The following SWT1 variants were observed in gnomAD, a reference collection of about 807,000 sequenced individuals.
SWT1 encodes transcriptional protein SWT1.
Under a neutral mutation model 107.3 loss-of-function variants are expected in SWT1, and 33 were observed. That is an observed-to-expected ratio of 0.31 (90% CI 0.23 to 0.41). SWT1 has a LOEUF of 0.41. Ranked by LOEUF, SWT1 falls within the 10% of genes least tolerant of loss-of-function variation. The probability of loss-of-function intolerance (pLI) is 1.00; values close to 1 mark genes in which losing one functional copy is unlikely to be tolerated. For synonymous variants in SWT1, 345 were observed against 348.3 expected (o/e 0.99, Z 0.11); for missense variants, 898 against 1,028.9 (o/e 0.87, Z 1.74).
At chr1:185,182,708 G>A (rs1053896694) in intron 7 of SWT1, among the ~76,000 whole-genome samples, 3 of 148,628 alleles carry the variant, frequency 2.0e-5, no homozygotes, top group Non-Finnish European at 4.5e-5. Flanking sequence ...AATGCAGATT[G>A]CTTGAAGGTA....
chr1:185,177,135 G>A, intron 5 of SWT1: 3 of 725,950 alleles, frequency 4.1e-6, no homozygotes, highest in Non-Finnish European at 5.1e-6. Context: ...CAAGAATTGA[G>A]TTTGAATTGA....
At chr1:185,220,138 C>CAA (rs34674504) in intron 14 of SWT1, among the ~76,000 whole-genome samples, 5 of 45,636 alleles carry the variant, frequency 1.1e-4, no homozygotes, top group Non-Finnish European at 1.5e-4. Context: ...GACCCTGTCT[C>CAA]AAAAAAAAAA....
intron 16 of SWT1, among the ~76,000 whole-genome samples, chr1:185,261,150 A>T (rs1174328886): frequency 6.6e-6 from 1 of 151,840 alleles, no homozygotes; most frequent in African/African-American, 2.4e-5. Flanking sequence ...TAAAACTGAA[A>T]CTCTGTACCC....
intron 15 of SWT1, among the ~76,000 whole-genome samples, chr1:185,230,854 C>G (rs949848487): frequency 6.6e-6 from 1 of 151,888 alleles, no homozygotes; most frequent in African/African-American, 2.4e-5. Context: ...TTCAAGCGAT[C>G]CTCCCACCTT....
chr1:185,243,023 C>T (rs1056036916), intron 16 of SWT1, among the ~76,000 whole-genome samples: 8 of 152,090 alleles, frequency 5.3e-5, no homozygotes, highest in African/African-American at 1.7e-4. Flanking sequence ...GCCAGATGAT[C>T]AGTTCTAATT....
At chr1:185,227,910 T>C (rs1340477073) in intron 15 of SWT1, among the ~76,000 whole-genome samples, 1 of 151,582 alleles carries the variant, frequency 6.6e-6, no homozygotes, top group Non-Finnish European at 1.5e-5. Context: ...GGCAACATGG[T>C]GAGACTTTGT....
At chr1:185,162,016 G>A (rs1036512732) in intron 2 of SWT1, among the ~76,000 whole-genome samples, 2 of 152,096 alleles carry the variant, frequency 1.3e-5, no homozygotes, top group African/African-American at 4.8e-5. Context: ...GTGCTTTTTG[G>A]TGTTTGTTCC....
At chr1:185,221,079 ACACAC>A (rs1659622307) in intron 14 of SWT1, among the ~76,000 whole-genome samples, 2 of 137,802 alleles carry the variant, frequency 1.5e-5, no homozygotes, top group South Asian at 4.5e-4. Flanking sequence ...ACACACACAC[ACACAC>A]TCTTCTAGAT....
chr1:185,249,630 C>G (rs1026000877), intron 16 of SWT1, among the ~76,000 whole-genome samples: 1 of 152,116 alleles, frequency 6.6e-6, no homozygotes, highest in Non-Finnish European at 1.5e-5. Flanking sequence ...ACTAAAGAGA[C>G]AAACTGATCC....
intron 4 of SWT1, among the ~76,000 whole-genome samples, chr1:185,173,776 G>A (rs983632313): frequency 6.6e-6 from 1 of 151,986 alleles, no homozygotes; most frequent in Non-Finnish European, 1.5e-5. Flanking sequence ...CAGCACCTTG[G>A]GAGGCCGAGG....
chr1:185,190,510 T>C, intron 9 of SWT1, 39 bp from the exon 10 acceptor site: 1 of 1,125,818 alleles, frequency 8.9e-7, no homozygotes, highest in Non-Finnish European at 1.3e-6. Context: ...CCCACATTTC[T>C]AGTGTACTTA....
At chr1:185,214,898 A>G (rs1659098508) in intron 14 of SWT1, among the ~76,000 whole-genome samples, 2 of 152,162 alleles carry the variant, frequency 1.3e-5, no homozygotes, top group Non-Finnish European at 2.9e-5. Flanking sequence ...ATTTTCACTT[A>G]TGGATGGAAG....
chr1:185,278,790 T>A (rs1571699167), intron 18 of SWT1, among the ~76,000 whole-genome samples: 1 of 152,200 alleles, frequency 6.6e-6, no homozygotes, highest in East Asian at 1.9e-4. Context: ...GACACATTTT[T>A]AAAAAGGTAG....
Position 185,221,909 on chromosome 1 carries a change from A to C in SWT1, c.2182A>C (p.Thr728Pro). ...ENTVTKKQEG[T>P]SLKNSHNQEI... ...CACAGTGACTAAAAAGCAGGAAGGTACTTCATTGAAGAATTCTCATAATCA... is the reference window on the plus strand; with the variant it reads ...CACAGTGACTAAAAAGCAGGAAGGTCCTTCATTGAAGAATTCTCATAATCA... The change falls in exon 15 of 19, where the codon ACT (threonine) becomes CCT (proline). Residue 728 changes from threonine to proline, a missense_variant. By Grantham distance (38) the Thr-to-Pro change is conservative. This residue lies in a region of SWT1 where 382 missense variants were observed against 460.0 expected (regional missense o/e 0.83). Coordinates refer to ENST00000367500, the MANE Select transcript of SWT1 (RefSeq NM_017673.7). The C allele has an allele frequency of 6.2e-7, 1 of 1,612,016 alleles. No homozygotes were observed. Among genetic ancestry groups the C allele is most frequent in the South Asian group, 1.1e-5 (1 of 90,522 alleles).
chr1:185,220,161 AAAAG>A (rs1659535017), intron 14 of SWT1, among the ~76,000 whole-genome samples: 2 of 149,566 alleles, frequency 1.3e-5, no homozygotes, highest in African/African-American at 4.9e-5. Context: ...AAAAAAAAAA[AAAAG>A]AGCAATTTCT....
At chr1:185,282,261 CTG>C (rs1173982364) in intron 18 of SWT1, among the ~76,000 whole-genome samples, 1 of 152,118 alleles carries the variant, frequency 6.6e-6, no homozygotes, top group Non-Finnish European at 1.5e-5. Flanking sequence ...CTTTTGAACT[CTG>C]TTGAGAAAAA....
At chr1:185,220,579 C>T (rs1157478628) in intron 14 of SWT1, among the ~76,000 whole-genome samples, 1 of 151,772 alleles carries the variant, frequency 6.6e-6, no homozygotes. Context: ...GAGAATGATT[C>T]TTAACTGTAT....
chr1:185,243,079 C>T (rs1239029342), intron 16 of SWT1, among the ~76,000 whole-genome samples: 1 of 152,206 alleles, frequency 6.6e-6, no homozygotes, highest in South Asian at 2.1e-4. Flanking sequence ...GTAGAGTATA[C>T]CCTATACTCT....
intron 16 of SWT1, among the ~76,000 whole-genome samples, chr1:185,252,851 C>T (rs1300260032): frequency 6.7e-6 from 1 of 149,402 alleles, no homozygotes; most frequent in East Asian, 1.9e-4. Context: ...ACATGAAGTC[C>T]TTGCCCATGC....
Sources: allele counts gnomAD v4.1 joint callset (sites outside exome capture counted in the v4.1 genomes callset), GRCh38; gene constraint gnomAD v4.1.1; regional missense constraint gnomAD v4.1.1; transcripts MANE v1.5; gene names NCBI Gene and HGNC (gene_info 2026-07-23, HGNC 2026-07-21).